Variants in NALF1 observed in about 807,000 individuals in gnomAD.
NALF1 encodes NALCN channel auxiliary factor 1.
NALF1 carries 3 observed loss-of-function variants against 48.4 expected under a neutral mutation model. That is an observed-to-expected ratio of 0.06 (90% CI 0.03 to 0.16). The LOEUF (loss-of-function observed/expected upper bound fraction) is 0.16. Among genes scored for constraint, NALF1 ranks in the 10% least tolerant of loss-of-function variants. The probability of loss-of-function intolerance (pLI) is 1.00; values close to 1 mark genes in which losing one functional copy is unlikely to be tolerated. For synonymous variants in NALF1, 262 were observed against 245.7 expected, an observed-to-expected ratio of 1.07 and a Z score of -0.62; for missense variants, 526 against 571.5, an observed-to-expected ratio of 0.92 and a Z score of 0.81.
intron 1 of NALF1, among the ~76,000 whole-genome samples, chr13:107,400,450 T>TA (rs1883785429): frequency 6.6e-6 from 1 of 152,046 alleles, no homozygotes; most frequent in Non-Finnish European, 1.5e-5. Flanking sequence ...GCGTGATGGT[T>TA]CACACCTGTA....
At chr13:107,597,847 A>G (rs1413393033) in intron 1 of NALF1, among the ~76,000 whole-genome samples, 1 of 152,158 alleles carries the variant, frequency 6.6e-6, no homozygotes, top group Non-Finnish European at 1.5e-5. Flanking sequence ...AAAATATCTC[A>G]GTTGTTTTTC....
chr13:107,298,406 A>C (rs1018906849), intron 1 of NALF1, among the ~76,000 whole-genome samples: 1 of 150,002 alleles, frequency 6.7e-6, no homozygotes, highest in East Asian at 2.0e-4. Context: ...ACACACATAC[A>C]TATACACGTT....
At chr13:107,369,285 C>T (rs942073789) in intron 1 of NALF1, among the ~76,000 whole-genome samples, 42 of 151,982 alleles carry the variant, frequency 2.8e-4, no homozygotes, top group African/African-American at 1.0e-3. Flanking sequence ...TTAGTATGTG[C>T]ACTATAAAAA....
intron 1 of NALF1, among the ~76,000 whole-genome samples, chr13:107,857,175 C>T (rs553328883): frequency 6.6e-6 from 1 of 152,312 alleles, no homozygotes; most frequent in South Asian, 2.1e-4. Context: ...GTCATGGCTA[C>T]CAGGTTTGCC....
At chr13:107,483,624 C>A (rs1248957520) in intron 1 of NALF1, among the ~76,000 whole-genome samples, 13 of 151,948 alleles carry the variant, frequency 8.6e-5, no homozygotes, top group Admixed American at 8.5e-4. Flanking sequence ...ATTTCTTAAA[C>A]TGTATAATTT....
intron 1 of NALF1, among the ~76,000 whole-genome samples, chr13:107,573,074 T>A (rs2476782): frequency 6.6e-6 from 1 of 151,782 alleles, no homozygotes; most frequent in Admixed American, 6.6e-5. Context: ...AACACACACC[T>A]TCTTCTGAGG....
intron 1 of NALF1, among the ~76,000 whole-genome samples, chr13:107,424,929 A>C (rs763946220): frequency 2.0e-5 from 3 of 152,220 alleles, no homozygotes; most frequent in African/African-American, 7.2e-5. Flanking sequence ...TAGCATTTAC[A>C]TATAAATGGA....
chr13:107,362,889 T>A lies in NALF1; in HGVS notation c.916-152134A>T, dbSNP rs1883089715. 6.6e-6 allele frequency among the ~76,000 whole-genome samples: 1 copy of A among 152,140 alleles called. No individual in the cohort carries two copies. Among genetic ancestry groups the A allele is most frequent in the South Asian group, 2.1e-4 (1 of 4,834 alleles). On this transcript the variant is annotated intron_variant, in intron 1 of 2. Transcript: ENST00000375915. The surrounding 1 kb of genome is among the most constrained non-coding windows in gnomAD (Gnocchi z 4.6). Reference sequence around the variant, plus strand: ...AGGGATTGGGTTATCTATACATACCTTTAGGCTCATGATAAAGGTAGAAAC... The same window carrying A: ...AGGGATTGGGTTATCTATACATACCATTAGGCTCATGATAAAGGTAGAAAC...
intron 1 of NALF1, among the ~76,000 whole-genome samples, chr13:107,438,856 A>AAAAAAAT (rs1555301014): frequency 7.7e-6 from 1 of 130,358 alleles, no homozygotes; most frequent in African/African-American, 2.7e-5. Flanking sequence ...AAAAAAGAAT[A>AAAAAAAT]ATATAAAGGG....
At chr13:107,176,638 T>C (rs1221802138) in intron 2 of NALF1, among the ~76,000 whole-genome samples, 1 of 151,206 alleles carries the variant, frequency 6.6e-6, no homozygotes, top group Non-Finnish European at 1.5e-5. Flanking sequence ...TGAGACTCCA[T>C]CTCAAAAAAA....
chr13:107,587,357 A>G (rs1348845140), intron 1 of NALF1, among the ~76,000 whole-genome samples: 1 of 152,174 alleles, frequency 6.6e-6, no homozygotes, highest in African/African-American at 2.4e-5. Flanking sequence ...TCAGTTTATC[A>G]GTGTACAAAT....
In NALF1 at chr13:107,814,926, G is replaced by A. The variant is rs1879118265; in HGVS notation, c.915+50756C>T. 2.0e-5 allele frequency among the ~76,000 whole-genome samples: 3 copies of A among 152,048 alleles called. 1 individual carries two copies. Among genetic ancestry groups the A allele is most frequent in the African/African-American group, 2.4e-5 (1 of 41,502 alleles). ...TCTCCAGGATACATCATGTCTTGTG[G>A]CATAAAACAGAATCCAATAAATATA... On this transcript the variant is annotated intron_variant, in intron 1 of 2. Coordinates refer to ENST00000375915, the MANE Select transcript of NALF1 (RefSeq NM_001080396.3).
chr13:107,379,790 C>A (rs1883399718), intron 1 of NALF1, among the ~76,000 whole-genome samples: 1 of 152,204 alleles, frequency 6.6e-6, no homozygotes, highest in Non-Finnish European at 1.5e-5. Flanking sequence ...AAACTTCAGA[C>A]AAATGGCACA....
chr13:107,491,680 T>C (rs1050856047), intron 1 of NALF1, among the ~76,000 whole-genome samples: 15 of 152,202 alleles, frequency 9.9e-5, no homozygotes, highest in African/African-American at 3.6e-4. Flanking sequence ...CCTTGCCCCA[T>C]ATTTAATGTC....
intron 1 of NALF1, among the ~76,000 whole-genome samples, chr13:107,468,034 C>G (rs1229983535): frequency 7.4e-6 from 1 of 134,304 alleles, no homozygotes; most frequent in Non-Finnish European, 1.5e-5. Flanking sequence ...GGCGACAGAG[C>G]GAGACTCCGT....
At chr13:107,598,945 T>G (rs1418203181) in intron 1 of NALF1, among the ~76,000 whole-genome samples, 1 of 152,182 alleles carries the variant, frequency 6.6e-6, no homozygotes, top group Non-Finnish European at 1.5e-5. Context: ...TTTGCTGCTC[T>G]TCCCGCCAAG....
chr13:107,352,142 G>T (rs989305647), intron 1 of NALF1, among the ~76,000 whole-genome samples: 21 of 152,138 alleles, frequency 1.4e-4, no homozygotes, highest in Admixed American at 2.6e-4. Context: ...TGACACAGAG[G>T]AACCCTGTGT....
At chr13:107,219,557 A>G (rs1200255213) in intron 1 of NALF1, among the ~76,000 whole-genome samples, 2 of 152,206 alleles carry the variant, frequency 1.3e-5, no homozygotes, top group Non-Finnish European at 2.9e-5. Context: ...GGATAGGAGA[A>G]GAGAGAATGT....
intron 2 of NALF1, among the ~76,000 whole-genome samples, chr13:107,191,230 A>G (rs1879271673): frequency 2.0e-5 from 3 of 151,976 alleles, no homozygotes; most frequent in African/African-American, 7.2e-5. Context: ...TTTCGACATA[A>G]TGGAAAGGAC....
Sources: gnomAD v4.1 joint callset for allele counts (sites outside exome capture counted in the v4.1 genomes callset) on GRCh38, gnomAD v4.1.1 for gene constraint, Gnocchi (gnomAD v3.1) non-coding constraint, MANE v1.5 for transcripts, NCBI Gene and HGNC (gene_info 2026-07-23, HGNC 2026-07-21) for gene names.